NFS1: variants seen among roughly 807,000 people sequenced by gnomAD.
NFS1 encodes the protein NFS1 cysteine desulfurase.
A neutral mutation model predicts 57.3 loss-of-function variants in NFS1; 26 were observed. That is an observed-to-expected ratio of 0.45 (90% CI 0.33 to 0.63). The LOEUF is 0.63. Among genes scored for constraint, NFS1 ranks in the 20% least tolerant of loss-of-function variants. The probability of loss-of-function intolerance (pLI) is 0.02; values close to 1 mark genes in which losing one functional copy is unlikely to be tolerated. For missense variants in NFS1, 505 were observed against 605.8 expected, an observed-to-expected ratio of 0.83 and a Z score of 1.75; for synonymous variants, 209 against 216.3, an observed-to-expected ratio of 0.97 and a Z score of 0.30.
At position 35,683,790 on chromosome 20, in the gene NFS1, C is replaced by CAA. The variant is rs151037025; in HGVS notation, c.562-1811_562-1810dup. 6.3e-3 allele frequency among the ~76,000 whole-genome samples: 336 copies of CAA among 53,670 alleles called. 3 individuals are homozygous for CAA. The highest frequency in any genetic ancestry group is 0.019 in the African/African-American group (291 of 15,438). 35.2% of individuals were successfully genotyped at this position (53,670 alleles called of 152,430 possible). On this transcript the variant is annotated intron_variant, in intron 5 of 12. Coordinates refer to ENST00000374092, the MANE Select transcript of NFS1 (RefSeq NM_021100.5). ...TGGGCAACAGAGTGAGACTCCATCT[C>CAA]AAAAAAAAAAAAAAAAAAAAAAGAA...
At position 35,669,415 on chromosome 20, in the gene NFS1, GAAGA is replaced by G. The variant is rs768208079; in HGVS notation, c.*203_*206del. 4 of 532,220 alleles carry G rather than the reference GAAGA, an allele frequency of 7.5e-6. No homozygotes were observed. Among genetic ancestry groups the G allele is most frequent in the Non-Finnish European group, 1.0e-5 (3 of 292,884 alleles). 33.0% of individuals were successfully genotyped at this position (532,220 alleles called of 1,614,324 possible). On this transcript the variant is annotated 3_prime_UTR_variant, in exon 13 of 13. Coordinates refer to ENST00000374092, the MANE Select transcript of NFS1 (RefSeq NM_021100.5). ...AATGTCCACACACTTTAAGACCCGA[GAAGA>G]AATGGGGAGTGCTCCACACCCAAGG...
rs142005559 is a variant in NFS1 at position 35,685,944 on chromosome 20, T to C, written c.562-3963A>G. On this transcript the variant is annotated intron_variant, in intron 5 of 12. Coordinates refer to ENST00000374092, the MANE Select transcript of NFS1 (RefSeq NM_021100.5). ...AAATGAATTCTTTCTTTATTTTTTT[T>C]TTGAGATGGAGTCTTGCTTTTGTCA... Among the ~76,000 whole-genome samples, 1,160 of 151,074 alleles carry C rather than the reference T, an allele frequency of 7.7e-3. 9 individuals carry two copies. Among genetic ancestry groups the C allele is most frequent in the East Asian group, 0.04 (199 of 4,978 alleles).
Position 35,692,527 on chromosome 20 carries a change from T to TAA in NFS1, c.409-1964_409-1963dup, listed in dbSNP as rs61052129. Among the ~76,000 whole-genome samples the TAA allele has an allele frequency of 1.6e-3, 69 of 42,732 alleles. 1 individual carries two copies. The highest frequency in any genetic ancestry group is 2.7e-3 in the African/African-American group (36 of 13,184). The allele number at this position is 42,732 out of a possible 152,430, so 28.0% of individuals were successfully genotyped here. A position where few individuals can be genotyped will look rare whatever the true frequency, so the allele number is the denominator to read the frequency against. ...CCAGCCTGAGCAACATCATCTATAC[T>TAA]AAAAAAAAAAAAAAAAAAAAAAAAA... On this transcript the variant is annotated intron_variant, in intron 4 of 12. Transcript: ENST00000374092.
chr20:35,685,471 G>A (rs903615785), intron 5 of NFS1, among the ~76,000 whole-genome samples: 2 of 151,028 alleles, frequency 1.3e-5, no homozygotes, highest in South Asian at 2.1e-4. Flanking sequence ...GCAGTGAGCC[G>A]AGGTCATGTC....
intron 12 of NFS1, among the ~76,000 whole-genome samples, chr20:35,670,017 T>A (rs1458380373): frequency 6.6e-6 from 1 of 152,232 alleles, no homozygotes. Context: ...ATGGCCATGG[T>A]TTCCCTTGGA....
chr20:35,692,892 C>T (rs951361855), intron 4 of NFS1, among the ~76,000 whole-genome samples: 13 of 151,496 alleles, frequency 8.6e-5, no homozygotes, highest in African/African-American at 2.7e-4. Context: ...ATCCCAGCTA[C>T]TCAGGAAGAT....
chr20:35,680,707 G>C (rs1466726742), intron 7 of NFS1, 30 bp downstream of exon 7: 2 of 1,475,700 alleles, frequency 1.4e-6, no homozygotes, highest in Non-Finnish European at 1.8e-6. Context: ...GGAAGGTACA[G>C]AGAGAAGGAA....
intron 5 of NFS1, among the ~76,000 whole-genome samples, chr20:35,686,414 T>C (rs935594847): frequency 5.4e-5 from 8 of 149,182 alleles, no homozygotes; most frequent in African/African-American, 1.7e-4. Flanking sequence ...TTTTATGAAG[T>C]GATGAAAATG....
In NFS1 at chr20:35,697,746, G is replaced by C; in HGVS notation, c.262C>G (p.Pro88Ala). 6.2e-7 allele frequency: 1 copy of C among 1,613,936 alleles called. No homozygotes were observed. Among genetic ancestry groups the C allele is most frequent in the South Asian group, 1.1e-5 (1 of 91,068 alleles). ...CCATAAGCATGTGTCCGGGAGTGTGGGTTCCCATAGTAGTTGATTAGGTAA... is the reference window on the plus strand; with the variant it reads ...CCATAAGCATGTGTCCGGGAGTGTGCGTTCCCATAGTAGTTGATTAGGTAA... Reference protein sequence around the residue: ...LPYLINYYGNPHSRTHAYGWE... With the variant: ...LPYLINYYGNAHSRTHAYGWE... Residue 88 changes from proline (P) to alanine (A), a missense_variant, in exon 3 of 13, where the codon CCA (proline) becomes GCA (alanine). Transcript: ENST00000374092.
At chr20:35,682,953 C>T (rs1369677754) in intron 5 of NFS1, among the ~76,000 whole-genome samples, 2 of 151,592 alleles carry the variant, frequency 1.3e-5, no homozygotes, top group African/African-American at 4.8e-5. Flanking sequence ...TGGCAGGCAC[C>T]GGTAGTCCCA....
chr20:35,681,394 A>T (rs2034846432), intron 6 of NFS1, among the ~76,000 whole-genome samples: 1 of 152,198 alleles, frequency 6.6e-6, no homozygotes, highest in Non-Finnish European at 1.5e-5. Context: ...TAAAATTAAA[A>T]ACCATAAAAG....
intron 5 of NFS1, among the ~76,000 whole-genome samples, chr20:35,686,074 C>T (rs1246698762): frequency 2.0e-5 from 3 of 150,890 alleles, no homozygotes; most frequent in African/African-American, 7.3e-5. Flanking sequence ...GGATTACAGG[C>T]GCCCTCAACC....
chr20:35,697,835 G>A (rs752144038), intron 2 of NFS1, 35 bp from the exon 3 acceptor site: 23 of 1,468,972 alleles, frequency 1.6e-5, no homozygotes, highest in Admixed American at 3.6e-5. Context: ...TTCCTTGAGC[G>A]CATCGTCAAT....
chr20:35,698,868 G>A, intron 1 of NFS1: 1 of 1,344,052 alleles, frequency 7.4e-7, no homozygotes, highest in South Asian at 1.9e-5. Context: ...TAGAAGGAAC[G>A]TGGAGCCAGA....
chr20:35,677,075 C>T (rs921084658), intron 7 of NFS1, among the ~76,000 whole-genome samples: 1 of 152,160 alleles, frequency 6.6e-6, no homozygotes, highest in Admixed American at 6.6e-5. Flanking sequence ...CCATGTTGGA[C>T]AGGCTGGTCT....
chr20:35,698,529 C>G lies in NFS1; in HGVS notation c.159G>C (p.Gly53=), dbSNP rs1346594172. 2 of 1,613,856 alleles carry G rather than the reference C, an allele frequency of 1.2e-6. No homozygotes were observed. The highest frequency in any genetic ancestry group is 4.5e-5 in the East Asian group (2 of 44,840). ...CCATATAGAGAGGTCGCAGCACTGG[C>G]CCCACCTCCGGGGCAGCGGCTGTAT... ...PADTAAAPEV[G]PVLRPLYMDV... Residue 53 remains glycine, a synonymous_variant, in exon 2 of 13, where the codon GGG becomes GGC. Transcript: ENST00000374092.
rs144747456 is a variant in NFS1 at position 35,683,602 on chromosome 20, A to T, written c.562-1621T>A. 9.1e-3 allele frequency among the ~76,000 whole-genome samples: 1,383 copies of T among 151,682 alleles called. 24 individuals are homozygous for T. The highest frequency in any genetic ancestry group is 0.032 in the African/African-American group (1,326 of 41,326). The stretch of plus-strand genomic sequence containing the variant: ...GAGACCATCCTGGCTAACATGGTGA[A>T]ACCTTGTCTCTACTAAAAATACAAA... On this transcript the variant is annotated intron_variant, in intron 5 of 12. Coordinates refer to ENST00000374092, the MANE Select transcript of NFS1 (RefSeq NM_021100.5).
Position 35,673,611 on chromosome 20 carries a change from A to C in NFS1, c.1210T>G (p.Ser404Ala), listed in dbSNP as rs1479561660. Residue 404 changes from serine (S) to alanine (A), a missense_variant, in exon 11 of 13, where the codon TCT becomes GCT. Ser to Ala is a moderately conservative substitution (Grantham distance 99, BLOSUM62 1). Transcript: ENST00000374092. ...GCTCAACTCACTGACCTGATAGAAGAGTGCGCTAAATCCTCATCAGTGCCA... is the reference window on the plus strand; with the variant it reads ...GCTCAACTCACTGACCTGATAGAAGCGTGCGCTAAATCCTCATCAGTGCCA... ...AIGTDEDLAH[S>A]SIRFGIGRFT... The C allele has an allele frequency of 6.2e-7, 1 of 1,613,676 alleles. No individual in the cohort carries two copies. Among genetic ancestry groups the C allele is most frequent in the African/African-American group, 1.3e-5 (1 of 74,916 alleles).
intron 5 of NFS1, among the ~76,000 whole-genome samples, chr20:35,687,011 G>A (rs910322298): frequency 5.9e-5 from 9 of 152,302 alleles, no homozygotes; most frequent in Middle Eastern, 3.4e-3. Context: ...TCTGTTATGC[G>A]TGGACAGGGC....
Sources: allele counts gnomAD v4.1 joint callset (sites outside exome capture counted in the v4.1 genomes callset), GRCh38; gene constraint gnomAD v4.1.1; transcripts MANE v1.5; gene names NCBI Gene and HGNC (gene_info 2026-07-23, HGNC 2026-07-21).